SLIT1: variants seen among roughly 807,000 people sequenced by gnomAD.
SLIT1 encodes the protein slit homolog 1 protein.
In SLIT1, 66 loss-of-function variants were observed where a neutral mutation model predicts 186.1. The observed-to-expected ratio is 0.35, with a 90% CI of 0.29 to 0.44. SLIT1 has a LOEUF of 0.44. Ranked by LOEUF, SLIT1 falls within the 20% of genes least tolerant of loss-of-function variation. The probability of loss-of-function intolerance (pLI) is 1.00; values close to 1 mark genes in which losing one functional copy is unlikely to be tolerated. For missense variants in SLIT1, 1,638 were observed against 2,037.4 expected, an observed-to-expected ratio of 0.80 and a Z score of 3.77; for synonymous variants, 761 against 833.8, an observed-to-expected ratio of 0.91 and a Z score of 1.50.
intron 4 of SLIT1, among the ~76,000 whole-genome samples, chr10:97,081,873 C>A (rs1027840928): frequency 1.3e-5 from 2 of 152,204 alleles, no homozygotes; most frequent in South Asian, 4.1e-4. Flanking sequence ...CTGCTCAGGG[C>A]TAAAGACTCA....
intron 31 of SLIT1, among the ~76,000 whole-genome samples, chr10:97,009,243 T>C (rs904732745): frequency 4.6e-5 from 7 of 152,080 alleles, no homozygotes; most frequent in Non-Finnish European, 1.0e-4. Context: ...TCAAAATATA[T>C]TACAAAAACT....
chr10:97,151,317 T>C (rs946148971), intron 4 of SLIT1, among the ~76,000 whole-genome samples: 1 of 148,480 alleles, frequency 6.7e-6, no homozygotes, highest in African/African-American at 2.5e-5. Flanking sequence ...GATAGAAGGG[T>C]ATCTGGGTTT....
Position 97,060,177 on chromosome 10 carries a change from G to C in SLIT1, c.942-19C>G. On this transcript the variant is annotated intron_variant, in intron 9 of 36. Coordinates refer to ENST00000266058, the MANE Select transcript of SLIT1 (RefSeq NM_003061.3). ...CAGGCGTCTGCGGGGAGAAAAGAGA[G>C]GGGAAGCCCAAGGGCCCAGGTCAGC... The C allele has an allele frequency of 1.2e-6, 2 of 1,610,902 alleles. No homozygotes were observed. The highest frequency in any genetic ancestry group is 1.7e-6 in the Non-Finnish European group (2 of 1,177,134).
intron 4 of SLIT1, among the ~76,000 whole-genome samples, chr10:97,098,464 G>A (rs61864225): frequency 0.015 from 2,245 of 152,304 alleles, 22 homozygotes; most frequent in Middle Eastern, 0.051. Context: ...CTAGGGGTAC[G>A]GTGAGGACTT....
intron 36 of SLIT1, 139 bp downstream of exon 36, chr10:97,002,019 C>T: frequency 2.0e-6 from 1 of 507,164 alleles, no homozygotes; most frequent in South Asian, 4.7e-5. Flanking sequence ...GGTGGAGGGA[C>T]TCTGAAAGCC....
intron 4 of SLIT1, among the ~76,000 whole-genome samples, chr10:97,075,111 GCAGCCTGGC>G (rs1849033945): frequency 6.6e-6 from 1 of 152,188 alleles, no homozygotes; most frequent in African/African-American, 2.4e-5. Flanking sequence ...GAAGCTCTGG[GCAGCCTGGC>G]CTGTCCCCTC....
Position 97,049,068 on chromosome 10 carries a change from G to A in SLIT1, c.1352C>T (p.Ala451Val). 1 of 1,613,820 alleles carries A rather than the reference G, an allele frequency of 6.2e-7. No homozygotes were observed. The highest frequency in any genetic ancestry group is 8.5e-7 in the Non-Finnish European group (1 of 1,180,038). The change falls in exon 14 of 37, where the codon GCA becomes GTA. Residue 451 changes from alanine (A) to valine (V), a missense_variant. This residue lies in a region of SLIT1 where 1,245 missense variants were observed against 1,535.3 expected (regional missense o/e 0.81). Transcript: ENST00000266058. The stretch of plus-strand genomic sequence containing the variant: ...GATGGGATTGGTGCGCAGGAAGTCT[G>A]CCAGCCACTTGAGGTTACAGTCGCA... ...FICDCNLKWL[A>V]DFLRTNPIET... is the part of the protein sequence containing the mutation.
chr10:97,159,117 G>A (rs1317908475), intron 3 of SLIT1, among the ~76,000 whole-genome samples: 2 of 152,196 alleles, frequency 1.3e-5, no homozygotes, highest in African/African-American at 4.8e-5. Flanking sequence ...GGATACCAAG[G>A]GACAACTGTA....
At chr10:97,063,750 G>GT (rs2134639527) in intron 7 of SLIT1, 132 bp from the exon 8 acceptor site, 1 of 995,640 alleles carries the variant, frequency 1.0e-6, no homozygotes, top group African/African-American at 1.6e-5. Flanking sequence ...ATTTAGTCAA[G>GT]TAGACGGCTC....
chr10:97,179,808 C>CG (rs1040931350), intron 1 of SLIT1, among the ~76,000 whole-genome samples: 5 of 149,992 alleles, frequency 3.3e-5, no homozygotes, highest in South Asian at 2.1e-4. Context: ...CCTCCCCGCC[C>CG]CCCGGCACAG....
rs1564650332 is a variant in SLIT1 at position 97,000,975 on chromosome 10, C to G, written c.*137G>C. 4.4e-6 allele frequency: 3 copies of G among 677,134 alleles called. No individual in the cohort carries two copies. The highest frequency in any genetic ancestry group is 5.0e-6 in the Non-Finnish European group (2 of 401,914). The allele number at this position is 677,134 out of a possible 1,614,324, so 41.9% of individuals were successfully genotyped here. A position where few individuals can be genotyped will look rare whatever the true frequency, so the allele number is the denominator to read the frequency against. ...CTTTTAAAAGGCTGCTCTGGCACCA[C>G]CCCACCCAGGAGGGCCCAGCTGCCC... On this transcript the variant is annotated 3_prime_UTR_variant, in exon 37 of 37. Transcript: ENST00000266058.
At chr10:97,003,135 CT>C in intron 34 of SLIT1, 143 bp from the exon 35 acceptor site, 1 of 758,400 alleles carries the variant, frequency 1.3e-6, no homozygotes, top group Non-Finnish European at 2.1e-6. Context: ...ATCCAAGGTC[CT>C]TTGCCACCTT....
In SLIT1 at chr10:97,019,028, G is replaced by A. The variant is rs200191912; in HGVS notation, c.2826C>T (p.Asn942=). The change falls in exon 27 of 37, where the codon AAC becomes AAT. Residue 942 remains asparagine, a synonymous_variant. Coordinates refer to ENST00000266058, the MANE Select transcript of SLIT1 (RefSeq NM_003061.3). ...CGCACCTGTACACCTCAAGGGGGTCGTTGTGGCAGGTGCCCTGGTTCTGGC... is the reference window on the plus strand; with the variant it reads ...CGCACCTGTACACCTCAAGGGGGTCATTGTGGCAGGTGCCCTGGTTCTGGC... The part of the protein sequence containing the change: ...SPCQNQGTCH[N]DPLEVYRCAC... The A allele has an allele frequency of 1.3e-4, 202 of 1,613,866 alleles. No individual in the cohort carries two copies. The highest frequency in any genetic ancestry group is 1.0e-3 in the East Asian group (47 of 44,842).
At chr10:97,098,347 T>C (rs113130489) in intron 4 of SLIT1, among the ~76,000 whole-genome samples, 67 of 152,090 alleles carry the variant, frequency 4.4e-4, no homozygotes, top group Non-Finnish European at 8.1e-4. Context: ...GCTGAGGAAG[T>C]GGTAACTGGG....
intron 28 of SLIT1, among the ~76,000 whole-genome samples, chr10:97,017,892 A>G (rs1223465054): frequency 6.8e-6 from 1 of 146,652 alleles, no homozygotes; most frequent in Non-Finnish European, 1.5e-5. Flanking sequence ...CTTGTTGCTC[A>G]GGCTGGAGTG....
rs1349915930 is a variant in SLIT1 at position 97,021,173 on chromosome 10, G to A, written c.2746+77C>T. The A allele has an allele frequency of 4.2e-6, 6 of 1,440,814 alleles. No homozygotes were observed. The South Asian group carries it at 6.6e-5, about 16-fold the overall frequency. The allele number at this position is 1,440,814 out of a possible 1,614,324, so 89.3% of individuals were successfully genotyped here. A position where few individuals can be genotyped will look rare whatever the true frequency, so the allele number is the denominator to read the frequency against. ...CCCAGCGGTCACCACAGGGACGCAG[G>A]CATGTTAGGAAGGCCCTGCAGTGTT... On this transcript the variant is annotated intron_variant, in intron 26 of 36. Transcript: ENST00000266058. This position sits in a 1 kb window ranked among gnomAD's most constrained non-coding sequence, Gnocchi z 4.5.
At chr10:97,179,368 G>A (rs371189767) in intron 1 of SLIT1, among the ~76,000 whole-genome samples, 19 of 152,306 alleles carry the variant, frequency 1.2e-4, no homozygotes, top group African/African-American at 4.1e-4. Context: ...CTGAGTGGGA[G>A]GATCACTTGA....
intron 4 of SLIT1, among the ~76,000 whole-genome samples, chr10:97,077,551 A>G (rs972941536): frequency 6.6e-6 from 1 of 152,196 alleles, no homozygotes; most frequent in Non-Finnish European, 1.5e-5. Context: ...GCACCAACTG[A>G]TGCCTCTTTG....
In SLIT1 at chr10:97,178,955, G is replaced by A. The variant is rs77678273; in HGVS notation, c.197+6523C>T. 2.7e-3 allele frequency among the ~76,000 whole-genome samples: 412 copies of A among 152,160 alleles called. 12 individuals are homozygous for A. In the East Asian group the frequency reaches 0.056, roughly 21 times the overall value. The stretch of plus-strand genomic sequence containing the variant: ...CCAGAACTCACCAACACAAATCGTC[G>A]CCCCTCAGGGGGTTTTGCTTCTCAC... On this transcript the variant is annotated intron_variant, in intron 1 of 36. Transcript: ENST00000266058.
Sources: gnomAD v4.1 joint callset for allele counts (sites outside exome capture counted in the v4.1 genomes callset) on GRCh38, gnomAD v4.1.1 for gene constraint, gnomAD v4.1.1 regional missense constraint, Gnocchi (gnomAD v3.1) non-coding constraint, MANE v1.5 for transcripts, NCBI Gene and HGNC (gene_info 2026-07-23, HGNC 2026-07-21) for gene names.